Variants in CARS2 observed in about 807,000 individuals in gnomAD.
CARS2 encodes the protein probable cysteine--tRNA ligase, mitochondrial.
Under a neutral mutation model 68.8 loss-of-function variants are expected in CARS2, and 52 were observed. That is an observed-to-expected ratio of 0.76 (90% CI 0.61 to 0.95). The LOEUF (loss-of-function observed/expected upper bound fraction) is 0.95. Among genes scored for constraint, CARS2 ranks in the 40% least tolerant of loss-of-function variants. The probability of loss-of-function intolerance (pLI) is 0.00; values close to 1 mark genes in which losing one functional copy is unlikely to be tolerated. For synonymous variants in CARS2, 314 were observed against 303.6 expected (o/e 1.03, Z -0.36); for missense variants, 780 against 754.2 (o/e 1.03, Z -0.40).
At chr13:110,713,073 C>T (rs1316009971) in intron 1 of CARS2, 2 of 1,447,248 alleles carry the variant, frequency 1.4e-6, no homozygotes, top group Non-Finnish European at 1.8e-6. Flanking sequence ...CCGGCCCTCC[C>T]CTTCCTTCCG....
At position 110,644,377 on chromosome 13, in the gene CARS2, G is replaced by C. The variant is rs765869966; in HGVS notation, c.1416+8C>G. 5.0e-6 allele frequency: 8 copies of C among 1,610,382 alleles called. No individual in the cohort carries two copies. On this transcript the variant is annotated splice_region_variant and intron_variant, in intron 13 of 14. Coordinates refer to ENST00000257347, the MANE Select transcript of CARS2 (RefSeq NM_024537.4). ...CCAGAATTAAGCATTTAAAATAATA[G>C]GACCTACCTGTTGATTTGCCAGAGA... is the stretch of plus-strand genomic sequence containing the variant.
At chr13:110,690,224 T>C (rs1467667784) in intron 3 of CARS2, among the ~76,000 whole-genome samples, 2 of 152,118 alleles carry the variant, frequency 1.3e-5, no homozygotes, top group Non-Finnish European at 2.9e-5. Flanking sequence ...CGAGATCCTG[T>C]CTCAAAAAAA....
intron 9 of CARS2, among the ~76,000 whole-genome samples, chr13:110,657,009 G>T (rs1326653004): frequency 6.6e-6 from 1 of 151,978 alleles, no homozygotes; most frequent in African/African-American, 2.4e-5. Flanking sequence ...TTTCAATAAA[G>T]CTATTAGTTT....
chr13:110,697,189 T>G (rs1277043612), intron 3 of CARS2, among the ~76,000 whole-genome samples: 1 of 152,228 alleles, frequency 6.6e-6, no homozygotes, highest in Admixed American at 6.5e-5. Flanking sequence ...CCTTCCTTCT[T>G]TACCAGTGGG....
At chr13:110,671,166 C>T (rs1481226596) in intron 7 of CARS2, among the ~76,000 whole-genome samples, 2 of 152,108 alleles carry the variant, frequency 1.3e-5, no homozygotes, top group Non-Finnish European at 2.9e-5. Context: ...GAGAACTTCC[C>T]CAACCTGACA....
At chr13:110,650,799 G>A (rs907902851) in intron 10 of CARS2, 2 of 488,942 alleles carry the variant, frequency 4.1e-6, no homozygotes, top group Admixed American at 8.1e-5. Flanking sequence ...GAGAGAAGGA[G>A]TGGAGAGGAC....
rs1345964447 is a variant in CARS2, at chr13:110,705,583, G to A, written c.225-12C>T. 21 of 1,610,238 alleles carry A rather than the reference G, an allele frequency of 1.3e-5. No homozygotes were observed. In the East Asian group the frequency reaches 4.7e-4, roughly 36 times the overall value. On this transcript the variant is annotated splice_polypyrimidine_tract_variant and intron_variant, in intron 1 of 14. Transcript: ENST00000257347. The surrounding 1 kb of genome is among the most constrained non-coding windows in gnomAD (Gnocchi z 4.0). Reference sequence around the variant, plus strand: ...GTCCACAGCTATACCTGGAAACAAAGTTAAAATCCATCGTGTGGAACATAT... The same window carrying A: ...GTCCACAGCTATACCTGGAAACAAAATTAAAATCCATCGTGTGGAACATAT...
intron 2 of CARS2, among the ~76,000 whole-genome samples, chr13:110,704,976 C>T (rs2063898434): frequency 6.6e-6 from 1 of 152,168 alleles, no homozygotes; most frequent in African/African-American, 2.4e-5. Flanking sequence ...ACCCCAGTTC[C>T]AATACCTCTT....
intron 3 of CARS2, among the ~76,000 whole-genome samples, chr13:110,690,003 C>T (rs2063411528): frequency 6.6e-6 from 1 of 152,138 alleles, no homozygotes; most frequent in African/African-American, 2.4e-5. Context: ...CCGACGTGGG[C>T]AGATCATGAG....
rs748852872 is a variant in CARS2 at position 110,647,224 on chromosome 13, T to C, written c.1070A>G (p.Asp357Gly). ...SSYRSAIDYS[D>G]SAMLQAQQLL... ...CTGCTGAGCTTGGAGCATGGCGCTG[T>C]CACTGTAGTCGATGGCTGAGGAGGA... is the stretch of plus-strand genomic sequence containing the variant. Residue 357 changes from aspartate to glycine, a missense_variant, in exon 11 of 15, where the codon GAC (aspartate) becomes GGC (glycine). Physicochemically the swap from Asp to Gly is moderately conservative, Grantham distance 94. Transcript: ENST00000257347. 8.7e-6 allele frequency: 14 copies of C among 1,612,934 alleles called. No individual in the cohort carries two copies. Among genetic ancestry groups the C allele is most frequent in the Non-Finnish European group, 8.5e-7 (1 of 1,179,592 alleles).
chr13:110,693,097 G>A (rs1208190378), intron 3 of CARS2, among the ~76,000 whole-genome samples: 7 of 117,340 alleles, frequency 6.0e-5, no homozygotes, highest in East Asian at 2.6e-4. Context: ...GTGACAGAGC[G>A]AGACTCTGTC....
intron 13 of CARS2, chr13:110,642,841 G>A (rs77749976): frequency 8.3e-5 from 50 of 605,264 alleles, no homozygotes; most frequent in Admixed American, 4.6e-4. Flanking sequence ...CAGACCTCAC[G>A]CAATTGTGGC....
Position 110,653,180 on chromosome 13 carries a change from TGGGG to T in CARS2, c.988-2084_988-2081del, listed in dbSNP as rs2062265423. ...ACCAGGCTGCCACAGGGGCCTGGGG[TGGGG>T]AGGGGGGCTGGGGTATGTGTGTGTG... On this transcript the variant is annotated intron_variant, in intron 9 of 14. Transcript: ENST00000257347. This position sits in a 1 kb window ranked among gnomAD's most constrained non-coding sequence, Gnocchi z 5.6. Among the ~76,000 whole-genome samples, 2 of 69,908 alleles carry T rather than the reference TGGGG, an allele frequency of 2.9e-5. No individual in the cohort carries two copies. The highest frequency in any genetic ancestry group is 1.7e-4 in the African/African-American group (2 of 11,998). 45.9% of individuals were successfully genotyped at this position (69,908 alleles called of 152,430 possible).
At chr13:110,697,825 G>T in intron 3 of CARS2, 1 of 379,414 alleles carries the variant, frequency 2.6e-6, no homozygotes. Context: ...AACAGCAATT[G>T]GGAAAAGGCT....
At position 110,647,229 on chromosome 13, in the gene CARS2, G is replaced by A. The variant is rs568277703; in HGVS notation, c.1065C>T (p.Tyr355=). 2.5e-6 allele frequency: 4 copies of A among 1,612,728 alleles called. No homozygotes were observed. Among genetic ancestry groups the A allele is most frequent in the East Asian group, 2.2e-5 (1 of 44,870 alleles). The stretch of plus-strand genomic sequence containing the variant: ...GAGCTTGGAGCATGGCGCTGTCACT[G>A]TAGTCGATGGCTGAGGAGGAAGAGA... The part of the protein sequence containing the change: ...LRSSYRSAID[Y]SDSAMLQAQQ... The change falls in exon 11 of 15, where the codon TAC becomes TAT. Residue 355 remains tyrosine (Y), a synonymous_variant. Transcript: ENST00000257347.
At position 110,665,408 on chromosome 13, in the gene CARS2, T is replaced by G. The variant is rs2062621210; in HGVS notation, c.920-1890A>C. The stretch of plus-strand genomic sequence containing the variant: ...TTGCGGTGAGCTCAGATAGTGCCAC[T>G]GCACTCCCAGGCTGGGGGACGGAGC... On this transcript the variant is annotated intron_variant, in intron 8 of 14. Transcript: ENST00000257347. This position sits in a 1 kb window ranked among gnomAD's most constrained non-coding sequence, Gnocchi z 4.3. The G allele has an allele frequency of 1.0e-6, 1 of 965,144 alleles. No individual in the cohort carries two copies. Among genetic ancestry groups the G allele is most frequent in the African/African-American group, 1.8e-5 (1 of 56,892 alleles). The allele number at this position is 965,144 out of a possible 1,614,324, so 59.8% of individuals were successfully genotyped here.
intron 13 of CARS2, chr13:110,644,004 G>C: frequency 1.2e-6 from 1 of 801,888 alleles, no homozygotes; most frequent in Non-Finnish European, 1.8e-6. Flanking sequence ...ACATGTGCCA[G>C]GCAAGGGGGC....
In CARS2 at chr13:110,713,312, G is replaced by A. The variant is rs188821827; in HGVS notation, n.224C>T. The stretch of plus-strand genomic sequence containing the variant: ...GGTAGTTGCTGTGTACCATGGTCTC[G>A]GAGGTTTCTGTCCCGCGGCCCGTTA... On this transcript the variant is annotated non_coding_transcript_exon_variant, in exon 1 of 3. Transcript: ENST00000485188. 4.2e-5 allele frequency: 50 copies of A among 1,179,410 alleles called. No homozygotes were observed. In the African/African-American group the frequency reaches 6.3e-4, roughly 15 times the overall value. The allele number at this position is 1,179,410 out of a possible 1,614,324, so 73.1% of individuals were successfully genotyped here. A position where few individuals can be genotyped will look rare whatever the true frequency, so the allele number is the denominator to read the frequency against.
intron 7 of CARS2, among the ~76,000 whole-genome samples, chr13:110,671,277 T>C (rs1203938343): frequency 6.6e-6 from 1 of 151,666 alleles, no homozygotes; most frequent in Non-Finnish European, 1.5e-5. Flanking sequence ...TTCACCAAAG[T>C]TGAAATGAAG....
Sources: allele counts gnomAD v4.1 joint callset (sites outside exome capture counted in the v4.1 genomes callset), GRCh38; gene constraint gnomAD v4.1.1; non-coding constraint Gnocchi (gnomAD v3.1); transcripts MANE v1.5; gene names NCBI Gene and HGNC (gene_info 2026-07-23, HGNC 2026-07-21).